CDC73: variants seen among roughly 807,000 people sequenced by gnomAD.
CDC73 encodes the protein cell division cycle 73, also known as parafibromin.
Under a neutral mutation model 83.7 loss-of-function variants are expected in CDC73, and 21 were observed. The observed-to-expected ratio is 0.25, with a 90% CI of 0.18 to 0.36. The LOEUF (loss-of-function observed/expected upper bound fraction) is 0.36, where lower values mean the gene tolerates loss of function less well. Among genes scored for constraint, CDC73 ranks in the 10% least tolerant of loss-of-function variants. The pLI is 1.00. For synonymous variants in CDC73, 224 were observed against 212.9 expected, an observed-to-expected ratio of 1.05 and a Z score of -0.45; for missense variants, 342 against 653.3, an observed-to-expected ratio of 0.52 and a Z score of 5.19.
chr1:193,222,463 T>C (rs1677488997), intron 13 of CDC73, among the ~76,000 whole-genome samples: 1 of 152,218 alleles, frequency 6.6e-6, no homozygotes, highest in Non-Finnish European at 1.5e-5. Context: ...CTAGCCACTT[T>C]GGAAAATAAT....
At chr1:193,244,476 A>C (rs1322191645) in intron 15 of CDC73, among the ~76,000 whole-genome samples, 2 of 152,176 alleles carry the variant, frequency 1.3e-5, no homozygotes, top group African/African-American at 2.4e-5. Flanking sequence ...CAGCTGCTGG[A>C]GAGGTTGGGC....
At chr1:193,224,581 A>G (rs755631980) in intron 13 of CDC73, among the ~76,000 whole-genome samples, 1 of 152,122 alleles carries the variant, frequency 6.6e-6, no homozygotes, top group Admixed American at 6.6e-5. Context: ...ATACACATAT[A>G]TGAAATATGC....
intron 10 of CDC73, among the ~76,000 whole-genome samples, chr1:193,195,910 T>A (rs999133001): frequency 6.6e-6 from 1 of 152,216 alleles, no homozygotes; most frequent in African/African-American, 2.4e-5. Context: ...TATTAATTTC[T>A]TATATGTGTG....
intron 16 of CDC73, 142 bp from the exon 17 acceptor site, chr1:193,250,530 GTCTT>G: frequency 1.6e-6 from 1 of 634,418 alleles, no homozygotes; most frequent in Non-Finnish European, 2.8e-6. Flanking sequence ...TTATTCCAGA[GTCTT>G]TATATTTCCA....
In CDC73 at chr1:193,183,169, T is replaced by C. The variant is rs190274101; in HGVS notation, c.973-20626T>C. On this transcript the variant is annotated intron_variant, in intron 10 of 16. Transcript: ENST00000367435. ...CATAACGTTAAGTACTTTGAAAATA[T>C]TGATTGAAAGTGTTAGATGTAAATG... Among the ~76,000 whole-genome samples, 343 of 151,796 alleles carry C rather than the reference T, an allele frequency of 2.3e-3. 2 individuals carry two copies. The highest frequency in any genetic ancestry group is 3.9e-3 in the Non-Finnish European group (261 of 67,788).
At chr1:193,201,009 G>A (rs931403003) in intron 10 of CDC73, among the ~76,000 whole-genome samples, 4 of 151,838 alleles carry the variant, frequency 2.6e-5, no homozygotes, top group Non-Finnish European at 4.4e-5. Context: ...TCCCAGTTTT[G>A]TTCCAAGAAG....
At chr1:193,176,419 T>A (rs997192691) in intron 10 of CDC73, among the ~76,000 whole-genome samples, 1 of 152,226 alleles carries the variant, frequency 6.6e-6, no homozygotes, top group Non-Finnish European at 1.5e-5. Flanking sequence ...TAGGAGAAGT[T>A]GTCCTTGGAT....
chr1:193,135,505 T>A, intron 4 of CDC73, 32 bp from the exon 5 acceptor site: 1 of 1,611,660 alleles, frequency 6.2e-7, no homozygotes, highest in Non-Finnish European at 8.5e-7. Context: ...ATTCCAAAAC[T>A]ACACATTTAT....
intron 1 of CDC73, among the ~76,000 whole-genome samples, chr1:193,123,038 T>G (rs1001806097): frequency 6.6e-6 from 1 of 152,174 alleles, no homozygotes; most frequent in Non-Finnish European, 1.5e-5. Flanking sequence ...TCAGTTTAAG[T>G]CATTCAGGAA....
chr1:193,219,052 AAAAC>A (rs1413757488), intron 13 of CDC73, among the ~76,000 whole-genome samples: 2 of 152,344 alleles, frequency 1.3e-5, no homozygotes, highest in Middle Eastern at 3.4e-3. Flanking sequence ...CCTTAAGCAT[AAAAC>A]AAACAGTCCT....
chr1:193,177,377 A>AAAAAAC, intron 10 of CDC73, among the ~76,000 whole-genome samples: 1 of 149,320 alleles, frequency 6.7e-6, no homozygotes, highest in Admixed American at 6.7e-5. Flanking sequence ...AAAAAAAAAA[A>AAAAAAC]AAATCAGCCG....
intron 7 of CDC73, among the ~76,000 whole-genome samples, chr1:193,142,338 A>G (rs1477858718): frequency 6.6e-6 from 1 of 152,186 alleles, no homozygotes; most frequent in African/African-American, 2.4e-5. Context: ...AGAATGGCCC[A>G]GTTTTCCTGT....
At chr1:193,183,223 C>G (rs1288588934) in intron 10 of CDC73, among the ~76,000 whole-genome samples, 1 of 151,508 alleles carries the variant, frequency 6.6e-6, no homozygotes. Context: ...GTAGCAGCCA[C>G]TAGGAGGAGC....
At chr1:193,180,274 T>C in intron 10 of CDC73, 1 of 1,530,900 alleles carries the variant, frequency 6.5e-7, no homozygotes. Context: ...AATTGCACAT[T>C]TGAAAAAAAA....
At chr1:193,156,334 G>C (rs942078897) in intron 10 of CDC73, among the ~76,000 whole-genome samples, 1 of 152,072 alleles carries the variant, frequency 6.6e-6, no homozygotes, top group Non-Finnish European at 1.5e-5. Flanking sequence ...ATTGACTCTT[G>C]ATTACCTTTA....
intron 10 of CDC73, among the ~76,000 whole-genome samples, chr1:193,157,513 G>T (rs143267160): frequency 0.024 from 3,658 of 152,246 alleles, 64 homozygotes; most frequent in Non-Finnish European, 0.036. Context: ...TGGATTTCCA[G>T]CTTCCTTAAA....
At chr1:193,215,380 A>G (rs1677349520) in intron 13 of CDC73, among the ~76,000 whole-genome samples, 1 of 152,214 alleles carries the variant, frequency 6.6e-6, no homozygotes, top group Non-Finnish European at 1.5e-5. Context: ...AAAGAAACTT[A>G]AAGTCTATTT....
chr1:193,252,918 A>G lies in CDC73; in HGVS notation c.*2206A>G, dbSNP rs1678067843. 4.3e-6 allele frequency: 1 copy of G among 231,486 alleles called. No individual in the cohort carries two copies. Among genetic ancestry groups the G allele is most frequent in the Non-Finnish European group, 8.5e-6 (1 of 116,974 alleles). 14.3% of individuals were successfully genotyped at this position (231,486 alleles called of 1,614,324 possible). A position where few individuals can be genotyped will look rare whatever the true frequency, so the allele number is the denominator to read the frequency against. On this transcript the variant is annotated 3_prime_UTR_variant, in exon 17 of 17. Coordinates refer to ENST00000367435, the MANE Select transcript of CDC73 (RefSeq NM_024529.5). Reference sequence around the variant, plus strand: ...AAATTTATTATAAAAGTGTAGTTCGACTCTTCTTGGTCTTGGAGTTTGAGA... The same window carrying G: ...AAATTTATTATAAAAGTGTAGTTCGGCTCTTCTTGGTCTTGGAGTTTGAGA...
intron 10 of CDC73, among the ~76,000 whole-genome samples, chr1:193,175,717 C>T (rs1433617473): frequency 6.6e-6 from 1 of 152,130 alleles, no homozygotes; most frequent in East Asian, 1.9e-4. Flanking sequence ...GGAGGATGTG[C>T]ATATTTTATA....
Sources: gnomAD v4.1 joint callset for allele counts (sites outside exome capture counted in the v4.1 genomes callset) on GRCh38, gnomAD v4.1.1 for gene constraint, MANE v1.5 for transcripts, NCBI Gene and HGNC (gene_info 2026-07-23, HGNC 2026-07-21) for gene names.